ADAMTS20: variants seen among roughly 807,000 people sequenced by gnomAD.
The protein encoded by ADAMTS20 is A disintegrin and metalloproteinase with thrombospondin motifs 20.
In ADAMTS20, 225 loss-of-function variants were observed where a neutral mutation model predicts 260.1. The ratio of observed to expected loss-of-function variants is 0.87; its 90% CI spans 0.78 to 0.97. The LOEUF (loss-of-function observed/expected upper bound fraction) is 0.97. Among genes scored for constraint, ADAMTS20 ranks in the 50% least tolerant of loss-of-function variants. The pLI, the probability that ADAMTS20 is intolerant of heterozygous loss-of-function variation, is 0.00. For synonymous variants in ADAMTS20, 802 were observed against 769.5 expected (o/e 1.04, Z -0.70); for missense variants, 2,400 against 2,337.7 (o/e 1.03, Z -0.55).
chr12:43,425,731 A>G lies in ADAMTS20; in HGVS notation c.4108-41T>C, dbSNP rs746897873. 5 of 1,412,090 alleles carry G rather than the reference A, an allele frequency of 3.5e-6. No homozygotes were observed. The South Asian group carries it at 4.3e-5, about 12-fold the overall frequency. 87.5% of individuals were successfully genotyped at this position (1,412,090 alleles called of 1,614,324 possible). On this transcript the variant is annotated intron_variant, in intron 27 of 38. Coordinates refer to ENST00000389420, the MANE Select transcript of ADAMTS20 (RefSeq NM_025003.5). ...GGAAAATTCAAAACTGTGGTTTTAAAGAGAATAATGTATTGCTTCATTCAA... is the reference window on the plus strand; with the variant it reads ...GGAAAATTCAAAACTGTGGTTTTAAGGAGAATAATGTATTGCTTCATTCAA...
At chr12:43,536,482 T>C (rs1943296832) in intron 2 of ADAMTS20, among the ~76,000 whole-genome samples, 1 of 148,904 alleles carries the variant, frequency 6.7e-6, no homozygotes, top group African/African-American at 2.4e-5. Context: ...AATAAAAATA[T>C]AATAGAATAT....
At chr12:43,435,099 TA>T (rs781617654) in intron 18 of ADAMTS20, among the ~76,000 whole-genome samples, 24 of 152,348 alleles carry the variant, frequency 1.6e-4, no homozygotes, top group Non-Finnish European at 2.5e-4. Flanking sequence ...TATTGGTGAA[TA>T]CATGTCACTA....
At position 43,428,829 on chromosome 12, in the gene ADAMTS20, A is replaced by G. The variant is rs1941387418; in HGVS notation, c.3490-30T>C. ...TTAAGAAATCAAATTGTATCCGGGC[A>G]TTATACAGTAGTACCTCACCCATGT... On this transcript the variant is annotated intron_variant, in intron 24 of 38. Coordinates refer to ENST00000389420, the MANE Select transcript of ADAMTS20 (RefSeq NM_025003.5). 3 of 1,573,698 alleles carry G rather than the reference A, an allele frequency of 1.9e-6. No homozygotes were observed. The East Asian group carries it at 6.9e-5, about 36-fold the overall frequency.
intron 18 of ADAMTS20, among the ~76,000 whole-genome samples, chr12:43,439,369 C>T (rs949445574): frequency 6.6e-6 from 1 of 151,316 alleles, no homozygotes; most frequent in South Asian, 2.1e-4. Flanking sequence ...AGAATGAGAA[C>T]GGGAAAGTAA....
At chr12:43,405,691 A>G (rs1395052976) in intron 28 of ADAMTS20, among the ~76,000 whole-genome samples, 11 of 152,154 alleles carry the variant, frequency 7.2e-5, no homozygotes, top group Admixed American at 7.2e-4. Flanking sequence ...AAAACTGAGT[A>G]AAAATAAATG....
chr12:43,539,840 T>A (rs1411667894), intron 2 of ADAMTS20, among the ~76,000 whole-genome samples: 1 of 152,074 alleles, frequency 6.6e-6, no homozygotes, highest in Non-Finnish European at 1.5e-5. Flanking sequence ...TTAAATAGCA[T>A]CACACTATCT....
chr12:43,391,076 C>A (rs982025997), intron 29 of ADAMTS20, among the ~76,000 whole-genome samples: 2 of 152,192 alleles, frequency 1.3e-5, no homozygotes, highest in Non-Finnish European at 2.9e-5. Flanking sequence ...CTGGGAATTT[C>A]AAGATCAAGG....
At chr12:43,354,720 A>G (rs971057218) in intron 38 of ADAMTS20, among the ~76,000 whole-genome samples, 7 of 141,838 alleles carry the variant, frequency 4.9e-5, no homozygotes, top group Non-Finnish European at 3.0e-5. Context: ...TATTGTACAA[A>G]TGATTTTAAA....
intron 37 of ADAMTS20, among the ~76,000 whole-genome samples, chr12:43,365,618 A>G (rs1875420): frequency 0.41 from 62,215 of 151,768 alleles, 14,336 homozygotes; most frequent in East Asian, 0.89. Context: ...AACAAACTCT[A>G]TGAATATACA....
downstream of ADAMTS20, among the ~76,000 whole-genome samples, chr12:43,352,893 A>C (rs1939666751): frequency 6.6e-6 from 1 of 152,208 alleles, no homozygotes; most frequent in African/African-American, 2.4e-5. Context: ...CACATAATAC[A>C]AAATATTTCT....
intron 15 of ADAMTS20, among the ~76,000 whole-genome samples, chr12:43,445,631 G>A (rs1037659871): frequency 1.3e-5 from 2 of 151,884 alleles, no homozygotes; most frequent in Admixed American, 6.6e-5. Context: ...GATCCCTTGA[G>A]GCTAGGAGTT....
Position 43,502,248 on chromosome 12 carries a change from A to G in ADAMTS20, c.771T>C (p.Tyr257=). Residue 257 remains tyrosine, a synonymous_variant, in exon 4 of 39, where the codon TAT becomes TAC. Transcript: ENST00000389420. Reference sequence around the variant, plus strand: ...TAACCATAATTTCAATGTATCTTGGATATGATATAAGACGTTTTTTCCTGG... The same window carrying G: ...TAACCATAATTTCAATGTATCTTGGGTATGATATAAGACGTTTTTTCCTGG... ...RHSRKKRLIS[Y]PRYIEIMVTA... The G allele has an allele frequency of 6.8e-6, 11 of 1,611,800 alleles. No individual in the cohort carries two copies. The highest frequency in any genetic ancestry group is 9.3e-6 in the Non-Finnish European group (11 of 1,179,242).
At position 43,428,797 on chromosome 12, in the gene ADAMTS20, G is replaced by A; in HGVS notation, c.3492C>T (p.Cys1164=). ...GAGTACCTCTTCCACAAGATACGGA[G>A]CACTTTTTAAGAAATCAAATTGTAT... ...AQWRHGSWTP[C]SVSCGRGTQA... is the part of the protein sequence containing the mutation. The change falls in exon 25 of 39, where the codon TGC becomes TGT. Residue 1164 remains cysteine (C), a splice_region_variant and synonymous_variant. Coordinates refer to ENST00000389420, the MANE Select transcript of ADAMTS20 (RefSeq NM_025003.5). 3 of 1,601,856 alleles carry A rather than the reference G, an allele frequency of 1.9e-6. No individual in the cohort carries two copies. The highest frequency in any genetic ancestry group is 2.7e-5 in the African/African-American group (2 of 74,670).
At chr12:43,505,777 C>T (rs1474908885) in intron 3 of ADAMTS20, among the ~76,000 whole-genome samples, 1 of 152,122 alleles carries the variant, frequency 6.6e-6, no homozygotes, top group Non-Finnish European at 1.5e-5. Context: ...CCATATGATC[C>T]AGCAATCCTA....
intron 16 of ADAMTS20, among the ~76,000 whole-genome samples, chr12:43,442,737 T>C (rs1941690680): frequency 6.6e-6 from 1 of 152,236 alleles, no homozygotes; most frequent in African/African-American, 2.4e-5. Context: ...TTCAACTAAA[T>C]GTAAAAGGCT....
intron 7 of ADAMTS20, among the ~76,000 whole-genome samples, chr12:43,471,194 GT>G (rs1942251582): frequency 6.6e-6 from 1 of 152,184 alleles, no homozygotes; most frequent in Admixed American, 6.5e-5. Flanking sequence ...GGGTCAGGGA[GT>G]TCCCTTTCCG....
At chr12:43,478,298 C>A (rs951151070) in intron 7 of ADAMTS20, among the ~76,000 whole-genome samples, 1 of 151,070 alleles carries the variant, frequency 6.6e-6, no homozygotes, top group African/African-American at 2.4e-5. Flanking sequence ...TTAGACATAG[C>A]TAAAGAGAGA....
At chr12:43,468,579 G>T in intron 8 of ADAMTS20, 21 bp downstream of exon 8, 1 of 1,400,630 alleles carries the variant, frequency 7.1e-7, no homozygotes, top group South Asian at 1.2e-5. Flanking sequence ...GCACATTAAG[G>T]AGGTGACAGA....
chr12:43,444,930 T>A (rs1441696253), intron 15 of ADAMTS20, among the ~76,000 whole-genome samples: 1 of 152,196 alleles, frequency 6.6e-6, no homozygotes, highest in Non-Finnish European at 1.5e-5. Context: ...TGTAAGACGA[T>A]AAGAAATAGT....
Sources: gnomAD v4.1 joint callset for allele counts (sites outside exome capture counted in the v4.1 genomes callset) on GRCh38, gnomAD v4.1.1 for gene constraint, MANE v1.5 for transcripts, NCBI Gene and HGNC (gene_info 2026-07-23, HGNC 2026-07-21) for gene names.